The following LOC128092252 variants were observed in gnomAD, a reference collection of about 807,000 sequenced individuals.
chr15:50,668,564 G>T, the LOC128092252 span, among the ~76,000 whole-genome samples: 1 of 152,190 alleles, frequency 6.6e-6, no homozygotes, highest in African/African-American at 2.4e-5. Context: ...CTGGAGGGCA[G>T]TGGCATGATC....
At chr15:50,664,264 C>G in the LOC128092252 span, among the ~76,000 whole-genome samples, 1 of 147,346 alleles carries the variant, frequency 6.8e-6, no homozygotes, top group African/African-American at 2.5e-5. Context: ...GAGCCGAGAT[C>G]GCGCCACTGC....
chr15:50,657,899 C>T, the LOC128092252 span: 16 of 1,139,642 alleles, frequency 1.4e-5, no homozygotes, highest in Non-Finnish European at 1.7e-5. Context: ...ACATAAAATA[C>T]AAAACAAAAA....
the LOC128092252 span, chr15:50,657,712 C>T: frequency 1.5e-6 from 2 of 1,373,314 alleles, no homozygotes; most frequent in Non-Finnish European, 2.1e-6. Context: ...TGTGTTCTAA[C>T]TCATATTTCT....
the LOC128092252 span, among the ~76,000 whole-genome samples, chr15:50,656,375 T>C: frequency 3.9e-5 from 6 of 152,080 alleles, no homozygotes; most frequent in Non-Finnish European, 5.9e-5. Flanking sequence ...TCAGGGCTTA[T>C]TGCAGCCTCA....
chr15:50,668,928 T>C, the LOC128092252 span, among the ~76,000 whole-genome samples: 1 of 152,206 alleles, frequency 6.6e-6, no homozygotes, highest in Non-Finnish European at 1.5e-5. Context: ...CTTAAAGGAA[T>C]CAAACTTGAC....
chr15:50,657,218 G>A, the LOC128092252 span, among the ~76,000 whole-genome samples: 1 of 152,152 alleles, frequency 6.6e-6, no homozygotes, highest in African/African-American at 2.4e-5. Flanking sequence ...CAGCTACTCG[G>A]GAGGCTGAGG....
chr15:50,681,264 T>TACACACAC, the LOC128092252 span, among the ~76,000 whole-genome samples: 12,449 of 146,934 alleles, frequency 0.085, 565 homozygotes, highest in Non-Finnish European at 0.1. Context: ...AATAAATAAA[T>TACACACAC]ACACACACAC....
the LOC128092252 span, among the ~76,000 whole-genome samples, chr15:50,679,510 TAATA>T: frequency 2.8e-5 from 3 of 109,002 alleles, no homozygotes; most frequent in Non-Finnish European, 5.0e-5. Flanking sequence ...TGTATATATA[TAATA>T]TATATATATA....
the LOC128092252 span, among the ~76,000 whole-genome samples, chr15:50,664,161 G>C: frequency 1.3e-5 from 2 of 151,926 alleles, no homozygotes; most frequent in African/African-American, 4.8e-5. Context: ...AGCTGGGTGT[G>C]GTGGCGTGTG....
At chr15:50,665,572 T>C in the LOC128092252 span, among the ~76,000 whole-genome samples, 1 of 152,170 alleles carries the variant, frequency 6.6e-6, no homozygotes. Context: ...CAATAAAAAT[T>C]CATAATTAAA....
At chr15:50,658,977 T>A in the LOC128092252 span, among the ~76,000 whole-genome samples, 1 of 152,108 alleles carries the variant, frequency 6.6e-6, no homozygotes, top group African/African-American at 2.4e-5. Context: ...GGCGGGAGGA[T>A]CACGAGGTCA....
the LOC128092252 span, among the ~76,000 whole-genome samples, chr15:50,656,356 G>A: frequency 1.3e-5 from 2 of 152,026 alleles, no homozygotes; most frequent in African/African-American, 4.8e-5. Context: ...CAGGAGTGCA[G>A]TGGTGTGATC....
chr15:50,662,618 A>G, the LOC128092252 span, among the ~76,000 whole-genome samples: 1 of 152,214 alleles, frequency 6.6e-6, no homozygotes, highest in Non-Finnish European at 1.5e-5. Flanking sequence ...TGCCCAATAG[A>G]TACACAAATT....
chr15:50,686,088 C>T, the LOC128092252 span, among the ~76,000 whole-genome samples: 2 of 152,224 alleles, frequency 1.3e-5, no homozygotes, highest in African/African-American at 4.8e-5. Flanking sequence ...GCCCTCCCTC[C>T]CTTTTTTCCA....
At chr15:50,652,265 G>A in the LOC128092252 span, among the ~76,000 whole-genome samples, 3 of 147,826 alleles carry the variant, frequency 2.0e-5, no homozygotes, top group Non-Finnish European at 4.5e-5. Context: ...CCTGGGAGGC[G>A]GAGATTGCAG....
the LOC128092252 span, among the ~76,000 whole-genome samples, chr15:50,673,512 C>T: frequency 6.6e-6 from 1 of 152,210 alleles, no homozygotes; most frequent in South Asian, 2.1e-4. Context: ...TGAGTGGGAA[C>T]ATATGATGTT....
At chr15:50,670,192 C>A in the LOC128092252 span, among the ~76,000 whole-genome samples, 5 of 152,104 alleles carry the variant, frequency 3.3e-5, no homozygotes, top group Admixed American at 6.6e-5. Flanking sequence ...AAAGGTGTAT[C>A]TTCATCCCTC....
the LOC128092252 span, among the ~76,000 whole-genome samples, chr15:50,673,904 C>T: frequency 6.6e-6 from 1 of 152,146 alleles, no homozygotes; most frequent in Non-Finnish European, 1.5e-5. Flanking sequence ...TCCCTGTTTA[C>T]CACATCCACA....
the LOC128092252 span, among the ~76,000 whole-genome samples, chr15:50,673,651 C>T: frequency 2.7e-5 from 4 of 149,050 alleles, no homozygotes; most frequent in African/African-American, 1.0e-4. Context: ...TATATATATA[C>T]CACAGTTTCT....
Sources: allele counts gnomAD v4.1 joint callset (sites outside exome capture counted in the v4.1 genomes callset), GRCh38; gene constraint gnomAD v4.1.1; transcripts MANE v1.5.